FGD6: variants seen among roughly 807,000 people sequenced by gnomAD.
The protein encoded by FGD6 is FYVE, RhoGEF and PH domain containing 6, also known as FYVE, RhoGEF and PH domain-containing protein 6.
Under a neutral mutation model 149.4 loss-of-function variants are expected in FGD6, and 90 were observed. That is an observed-to-expected ratio of 0.60 (90% CI 0.51 to 0.72). The LOEUF (loss-of-function observed/expected upper bound fraction) is 0.72, where lower values mean the gene tolerates loss of function less well. Ranked by LOEUF, FGD6 falls within the 30% of genes least tolerant of loss-of-function variation. The pLI, the probability that FGD6 is intolerant of heterozygous loss-of-function variation, is 0.00. For missense variants in FGD6, 1,437 were observed against 1,684.8 expected (o/e 0.85, Z 2.57); for synonymous variants, 527 against 584.0 (o/e 0.90, Z 1.41).
At chr12:95,109,653 A>G (rs952128813) in intron 9 of FGD6, among the ~76,000 whole-genome samples, 2 of 152,164 alleles carry the variant, frequency 1.3e-5, no homozygotes, top group African/African-American at 2.4e-5. Context: ...ATTTGAGCTC[A>G]GGAGATCGAG....
At chr12:95,138,132 AG>A (rs1879729346) in intron 6 of FGD6, among the ~76,000 whole-genome samples, 1 of 151,928 alleles carries the variant, frequency 6.6e-6, no homozygotes, top group African/African-American at 2.4e-5. Context: ...TGAACCCGGG[AG>A]GGGGAGGTTG....
chr12:95,199,380 T>A (rs1881809095), intron 2 of FGD6, among the ~76,000 whole-genome samples: 1 of 152,026 alleles, frequency 6.6e-6, no homozygotes, highest in Non-Finnish European at 1.5e-5. Context: ...TCAAACCACT[T>A]GATTACACAA....
intron 2 of FGD6, among the ~76,000 whole-genome samples, chr12:95,202,150 G>A (rs1291547601): frequency 1.3e-5 from 2 of 152,128 alleles, no homozygotes; most frequent in Admixed American, 6.6e-5. Context: ...AACACTTTGG[G>A]AGGCCGAGGT....
chr12:95,185,511 T>G (rs112899829), intron 2 of FGD6, among the ~76,000 whole-genome samples: 17 of 152,290 alleles, frequency 1.1e-4, no homozygotes, highest in African/African-American at 3.8e-4. Context: ...CCACCACTCA[T>G]GGCTGTGTGT....
chr12:95,148,452 C>T (rs1880077419), intron 5 of FGD6, among the ~76,000 whole-genome samples: 1 of 135,766 alleles, frequency 7.4e-6, no homozygotes, highest in Non-Finnish European at 1.6e-5. Context: ...ACTATATAGC[C>T]AGTCCATCTT....
At chr12:95,182,635 T>C (rs908358198) in intron 2 of FGD6, among the ~76,000 whole-genome samples, 29 of 152,282 alleles carry the variant, frequency 1.9e-4, no homozygotes, top group African/African-American at 6.0e-4. Flanking sequence ...GAAGATAATA[T>C]TGAATTAGTT....
At chr12:95,181,601 A>G (rs1361385487) in intron 2 of FGD6, among the ~76,000 whole-genome samples, 1 of 152,232 alleles carries the variant, frequency 6.6e-6, no homozygotes, top group East Asian at 1.9e-4. Flanking sequence ...AATGTGGACA[A>G]CTTTCTTGTT....
At position 95,126,105 on chromosome 12, in the gene FGD6, A is replaced by C. The variant is rs1008511640; in HGVS notation, c.3082+8634T>G. ...TGATCATTTTAAAGTTATGAAGGCA[A>C]AGAAAATGAGGGACAGAATAATCAA... On this transcript the variant is annotated intron_variant, in intron 8 of 20. Transcript: ENST00000343958. 3 of 1,079,776 alleles carry C rather than the reference A, an allele frequency of 2.8e-6. No homozygotes were observed. The African/African-American group carries it at 4.6e-5, about 17-fold the overall frequency. The allele number at this position is 1,079,776 out of a possible 1,614,324, so 66.9% of individuals were successfully genotyped here.
chr12:95,118,839 A>G (rs577006105), intron 8 of FGD6, among the ~76,000 whole-genome samples: 56 of 152,348 alleles, frequency 3.7e-4, no homozygotes, highest in African/African-American at 1.3e-3. Flanking sequence ...TTTTGCAAGA[A>G]ACAACCTAAA....
At chr12:95,148,902 CATATATTAT>C (rs1173496586) in intron 5 of FGD6, among the ~76,000 whole-genome samples, 1 of 25,616 alleles carries the variant, frequency 3.9e-5, no homozygotes, top group Non-Finnish European at 6.1e-5. Context: ...TAAGATATAG[CATATATTAT>C]ATATATTATA....
intron 8 of FGD6, among the ~76,000 whole-genome samples, chr12:95,123,110 AG>A: frequency 6.6e-6 from 1 of 151,984 alleles, no homozygotes; most frequent in East Asian, 1.9e-4. Flanking sequence ...GAATTAGAAA[AG>A]GTCCCTTTCC....
At chr12:95,176,105 A>G (rs1881125692) in intron 2 of FGD6, among the ~76,000 whole-genome samples, 1 of 152,092 alleles carries the variant, frequency 6.6e-6, no homozygotes, top group Non-Finnish European at 1.5e-5. Flanking sequence ...TTCTATTTTT[A>G]TTTTTTTGAA....
chr12:95,176,831 TTTATTA>T (rs1881147123), intron 2 of FGD6, among the ~76,000 whole-genome samples: 1 of 152,072 alleles, frequency 6.6e-6, no homozygotes, highest in Non-Finnish European at 1.5e-5. Context: ...TTTAATTTAT[TTTATTA>T]TTATTTTTTG....
At chr12:95,091,649 G>T in intron 17 of FGD6, 58 bp downstream of exon 17, 2 of 1,209,342 alleles carry the variant, frequency 1.7e-6, no homozygotes, top group Admixed American at 1.9e-5. Context: ...TCAGAAGGTT[G>T]TTTGAAAGCA....
intron 9 of FGD6, 73 bp downstream of exon 9, chr12:95,113,578 A>G (rs1878907361): frequency 8.7e-7 from 1 of 1,151,828 alleles, no homozygotes; most frequent in Non-Finnish European, 1.3e-6. Flanking sequence ...TTTGTTATCA[A>G]TATATTTTTA....
intron 2 of FGD6, among the ~76,000 whole-genome samples, chr12:95,194,226 T>C (rs1378927055): frequency 6.6e-6 from 1 of 152,016 alleles, no homozygotes; most frequent in Non-Finnish European, 1.5e-5. Flanking sequence ...TGCCTGGCTG[T>C]GATTCCATTT....
intron 8 of FGD6, chr12:95,126,365 T>G: frequency 6.5e-7 from 1 of 1,542,576 alleles, no homozygotes; most frequent in Non-Finnish European, 8.7e-7. Flanking sequence ...AAGCCCCTGC[T>G]CCAAAGGCAT....
At chr12:95,205,207 A>G (rs2056687087) in intron 2 of FGD6, among the ~76,000 whole-genome samples, 1 of 152,042 alleles carries the variant, frequency 6.6e-6, no homozygotes, top group African/African-American at 2.4e-5. Flanking sequence ...GGTCAAGGCT[A>G]CAGTGAGCAG....
chr12:95,119,908 A>G (rs1367434563), intron 8 of FGD6, among the ~76,000 whole-genome samples: 1 of 151,948 alleles, frequency 6.6e-6, no homozygotes, highest in South Asian at 2.1e-4. Flanking sequence ...TGACAGAGCA[A>G]GACTCCATCT....
Sources: gnomAD v4.1 joint callset for allele counts (sites outside exome capture counted in the v4.1 genomes callset) on GRCh38, gnomAD v4.1.1 for gene constraint, MANE v1.5 for transcripts, NCBI Gene and HGNC (gene_info 2026-07-23, HGNC 2026-07-21) for gene names.